Variants in EYS observed in about 807,000 individuals in gnomAD.
The protein encoded by EYS is EGF-like photoreceptor maintenance factor.
EYS carries 250 observed loss-of-function variants against 282.1 expected under a neutral mutation model. The observed-to-expected ratio is 0.89, with a 90% confidence interval of 0.80 to 0.98. The LOEUF (loss-of-function observed/expected upper bound fraction) is 0.98. Among genes scored for constraint, EYS ranks in the 50% least tolerant of loss-of-function variants. The probability of loss-of-function intolerance (pLI) is 0.00; values close to 1 mark genes in which losing one functional copy is unlikely to be tolerated. For synonymous variants in EYS, 1,355 were observed against 1,282.9 expected (o/e 1.06, Z -1.20); for missense variants, 4,016 against 3,709.0 (o/e 1.08, Z -2.15).
intron 12 of EYS, among the ~76,000 whole-genome samples, chr6:65,224,708 T>A (rs141590735): frequency 1.3e-5 from 2 of 152,156 alleles, no homozygotes; most frequent in African/African-American, 4.8e-5. Context: ...AGAAATGAAA[T>A]TGCAGATGGG....
At chr6:65,041,057 C>T (rs1772919038) in intron 13 of EYS, among the ~76,000 whole-genome samples, 1 of 151,678 alleles carries the variant, frequency 6.6e-6, no homozygotes, top group Non-Finnish European at 1.5e-5. Flanking sequence ...TCTGTTTTCA[C>T]TTTTGGGTAC....
At chr6:65,100,096 A>T (rs1336918262) in intron 12 of EYS, among the ~76,000 whole-genome samples, 1 of 150,890 alleles carries the variant, frequency 6.6e-6, no homozygotes, top group East Asian at 1.9e-4. Context: ...ACTATTTACA[A>T]TGAACCAGAG....
chr6:63,864,401 A>T, intron 35 of EYS, 43 bp from the exon 36 acceptor site: 3 of 1,478,710 alleles, frequency 2.0e-6, no homozygotes, highest in Non-Finnish European at 2.8e-6. Flanking sequence ...GAAACAACTG[A>T]TATTTTCTAC....
At chr6:64,036,310 C>T (rs887650478) in intron 33 of EYS, among the ~76,000 whole-genome samples, 33 of 152,214 alleles carry the variant, frequency 2.2e-4, no homozygotes, top group African/African-American at 7.7e-4. Context: ...AGAGCTAATG[C>T]AGGAGCTACG....
At chr6:65,665,352 C>T (rs1582579917) in intron 1 of EYS, among the ~76,000 whole-genome samples, 1 of 152,170 alleles carries the variant, frequency 6.6e-6, no homozygotes, top group African/African-American at 2.4e-5. Context: ...GGTCTTAAGA[C>T]GAAGGGGCTA....
At chr6:64,407,952 C>G (rs1336040299) in intron 28 of EYS, among the ~76,000 whole-genome samples, 1 of 152,032 alleles carries the variant, frequency 6.6e-6, no homozygotes, top group Non-Finnish European at 1.5e-5. Context: ...AGGCTGGTCT[C>G]AAACTCCTGA....
intron 30 of EYS, among the ~76,000 whole-genome samples, chr6:64,256,383 C>A (rs1767400474): frequency 1.3e-5 from 2 of 151,950 alleles, no homozygotes; most frequent in Non-Finnish European, 1.5e-5. Context: ...TAGGAGTAAG[C>A]ATACTAATTC....
At chr6:65,018,043 G>C (rs1408041983) in intron 13 of EYS, among the ~76,000 whole-genome samples, 1 of 152,112 alleles carries the variant, frequency 6.6e-6, no homozygotes, top group Non-Finnish European at 1.5e-5. Context: ...TCTTTAAGTG[G>C]AGAATGCCAA....
chr6:65,404,502 G>A (rs539588161), intron 6 of EYS, among the ~76,000 whole-genome samples: 1 of 151,876 alleles, frequency 6.6e-6, no homozygotes, highest in Non-Finnish European at 1.5e-5. Flanking sequence ...ATGTATTATT[G>A]CTCTTTGCCC....
chr6:65,199,689 A>T (rs1195943930), intron 12 of EYS, among the ~76,000 whole-genome samples: 1 of 152,168 alleles, frequency 6.6e-6, no homozygotes, highest in Non-Finnish European at 1.5e-5. Flanking sequence ...GAATCATCTG[A>T]GTTCCATCTT....
intron 5 of EYS, among the ~76,000 whole-genome samples, chr6:65,457,308 G>A (rs1189335429): frequency 6.6e-6 from 1 of 152,078 alleles, no homozygotes; most frequent in Admixed American, 6.6e-5. Context: ...GTGACCACAG[G>A]CATGTGCCAC....
chr6:65,061,598 T>A (rs538174201), intron 12 of EYS, among the ~76,000 whole-genome samples: 1 of 151,936 alleles, frequency 6.6e-6, no homozygotes. Flanking sequence ...AATCATATTT[T>A]TTCTTCCTCA....
chr6:65,545,342 T>C (rs1189246075), intron 2 of EYS, among the ~76,000 whole-genome samples: 3 of 152,120 alleles, frequency 2.0e-5, no homozygotes, highest in African/African-American at 7.2e-5. Flanking sequence ...GGTTTAGTAC[T>C]ACAGATTTTA....
chr6:64,444,815 C>A (rs1231166186), intron 26 of EYS, among the ~76,000 whole-genome samples: 2 of 152,184 alleles, frequency 1.3e-5, no homozygotes, highest in Non-Finnish European at 2.9e-5. Flanking sequence ...AGTTCTCACT[C>A]TGAGTTCACA....
chr6:65,252,361 A>C (rs943593543), intron 12 of EYS, among the ~76,000 whole-genome samples: 1 of 152,020 alleles, frequency 6.6e-6, no homozygotes, highest in Non-Finnish European at 1.5e-5. Flanking sequence ...TTGATGGCAA[A>C]CACTTAGGAT....
intron 26 of EYS, among the ~76,000 whole-genome samples, chr6:64,559,802 TTA>T (rs1765341336): frequency 6.6e-6 from 1 of 152,080 alleles, no homozygotes; most frequent in Non-Finnish European, 1.5e-5. Context: ...TGCAGGTTTG[TTA>T]TATAGGTAAA....
chr6:65,208,227 G>A (rs1406981141), intron 12 of EYS, among the ~76,000 whole-genome samples: 1 of 151,780 alleles, frequency 6.6e-6, no homozygotes, highest in Non-Finnish European at 1.5e-5. Context: ...AATCATCAGA[G>A]AAATGCAAAT....
chr6:64,929,790 G>A (rs528088042), intron 15 of EYS, among the ~76,000 whole-genome samples: 26 of 152,208 alleles, frequency 1.7e-4, no homozygotes, highest in Admixed American at 3.3e-4. Flanking sequence ...CACTGGCAAC[G>A]TATGTATGAT....
chr6:64,165,808 A>C (rs1310244828), intron 31 of EYS, among the ~76,000 whole-genome samples: 4 of 152,182 alleles, frequency 2.6e-5, no homozygotes, highest in African/African-American at 9.7e-5. Context: ...GTGCTTATCC[A>C]ATATACTGAT....
Sources: gnomAD v4.1 joint callset for allele counts (sites outside exome capture counted in the v4.1 genomes callset) on GRCh38, gnomAD v4.1.1 for gene constraint, MANE v1.5 for transcripts, NCBI Gene and HGNC (gene_info 2026-07-23, HGNC 2026-07-21) for gene names.